The following MARCHF1 variants were observed in gnomAD, a reference collection of about 807,000 sequenced individuals.
MARCHF1 encodes the protein membrane associated ring-CH-type finger 1, also known as E3 ubiquitin-protein ligase MARCHF1.
Under a neutral mutation model 54.2 loss-of-function variants are expected in MARCHF1, and 40 were observed. The ratio of observed to expected loss-of-function variants is 0.74; its 90% CI spans 0.57 to 0.96. The LOEUF (loss-of-function observed/expected upper bound fraction) is 0.96, where lower values mean the gene tolerates loss of function less well. MARCHF1 is among the 40% of genes least tolerant of loss of function. MARCHF1 has a pLI of 0.00. For missense variants in MARCHF1, 586 were observed against 656.5 expected (o/e 0.89, Z 1.17); for synonymous variants, 236 against 236.3 (o/e 1.00, Z 0.01).
At position 164,048,800 on chromosome 4, in the gene MARCHF1, C is replaced by T. The variant is rs575569119; in HGVS notation, c.-247-60091G>A. ...TAATTGGCAGAGTAAATTTTTTCAT[C>T]TTCTTTTACTCAATAATCTCATTAT... On this transcript the variant is annotated intron_variant, in intron 2 of 9. Coordinates refer to ENST00000514618, the MANE Select transcript of MARCHF1 (RefSeq NM_001394959.1). 9.7e-4 allele frequency among the ~76,000 whole-genome samples: 148 copies of T among 152,196 alleles called. 2 individuals are homozygous for T. Among genetic ancestry groups the T allele is most frequent in the African/African-American group, 3.2e-3 (134 of 41,550 alleles).
At chr4:163,991,423 T>C (rs903645084) in intron 2 of MARCHF1, among the ~76,000 whole-genome samples, 1 of 152,180 alleles carries the variant, frequency 6.6e-6, no homozygotes, top group African/African-American at 2.4e-5. Context: ...CTAATACCTT[T>C]CCTCAAGCAG....
chr4:164,278,797 T>C (rs377544803), intron 1 of MARCHF1, among the ~76,000 whole-genome samples: 5 of 152,346 alleles, frequency 3.3e-5, no homozygotes, highest in East Asian at 1.9e-4. Flanking sequence ...TAAAACCGTT[T>C]TTGGTTTACA....
At position 163,612,783 on chromosome 4, in the gene MARCHF1, A is replaced by T; in HGVS notation, c.498T>A (p.Asp166Glu). Residue 166 changes from aspartate to glutamate, a missense_variant, in exon 7 of 10, where the codon GAT (aspartate) becomes GAA (glutamate). Asp to Glu is a conservative substitution (Grantham distance 45). Coordinates refer to ENST00000514618, the MANE Select transcript of MARCHF1 (RefSeq NM_001394959.1). ...TTTTTGCCTGAATCCAATGACTCTCATCTGTGGAAGATGAATCTGAAGAAT... is the reference window on the plus strand; with the variant it reads ...TTTTTGCCTGAATCCAATGACTCTCTTCTGTGGAAGATGAATCTGAAGAAT... ...YTDSSDSSSTDESHWIQAKRR... is the reference protein window; with the variant it reads ...YTDSSDSSSTEESHWIQAKRR... 6.5e-7 allele frequency: 1 copy of T among 1,535,400 alleles called. No homozygotes were observed. The highest frequency in any genetic ancestry group is 8.7e-7 in the Non-Finnish European group (1 of 1,146,528).
intron 1 of MARCHF1, among the ~76,000 whole-genome samples, chr4:164,293,873 G>T (rs1734346949): frequency 6.6e-6 from 1 of 152,152 alleles, no homozygotes. Context: ...AGGATGCAAA[G>T]TTTCATTCCT....
intron 4 of MARCHF1, among the ~76,000 whole-genome samples, chr4:163,827,088 T>TA (rs5863632): frequency 0.057 from 8,618 of 150,438 alleles, 280 homozygotes; most frequent in East Asian, 0.097. Flanking sequence ...CTTTTTAAAA[T>TA]AAAAAAAAAG....
In MARCHF1 at chr4:163,585,757, G is replaced by C; in HGVS notation, c.1183C>G (p.Leu395Val). ...TCCTATGGATACTGTACCTTCCGGA[G>C]GGGTTTGAGCTTGGTCTCCATTATG... ...DFIMETKLKP[L>V]RKWEKLQMTT... is the part of the protein sequence containing the mutation. Residue 395 changes from leucine (L) to valine (V), a missense_variant, in exon 8 of 10, where the codon CTC becomes GTC. Leu to Val is a conservative substitution (Grantham distance 32, BLOSUM62 1). Transcript: ENST00000514618. The C allele has an allele frequency of 6.3e-7, 1 of 1,598,478 alleles. No homozygotes were observed. The highest frequency in any genetic ancestry group is 8.5e-7 in the Non-Finnish European group (1 of 1,171,098).
At chr4:164,232,036 T>C (rs1035008605) in intron 1 of MARCHF1, among the ~76,000 whole-genome samples, 2 of 152,170 alleles carry the variant, frequency 1.3e-5, no homozygotes, top group African/African-American at 4.8e-5. Context: ...ATTAAGCCAC[T>C]GTATTATTTC....
At chr4:163,984,251 A>C (rs1039108425) in intron 3 of MARCHF1, among the ~76,000 whole-genome samples, 9 of 152,198 alleles carry the variant, frequency 5.9e-5, no homozygotes, top group Non-Finnish European at 2.9e-5. Context: ...AAAAATGTAA[A>C]AACTGAGGTA....
intron 2 of MARCHF1, among the ~76,000 whole-genome samples, chr4:164,000,408 C>T (rs1057203132): frequency 6.6e-6 from 1 of 151,610 alleles, no homozygotes; most frequent in African/African-American, 2.4e-5. Flanking sequence ...AAAATTAATT[C>T]ACTACCCTCA....
chr4:164,066,543 T>C (rs756438865), intron 2 of MARCHF1, among the ~76,000 whole-genome samples: 1 of 152,094 alleles, frequency 6.6e-6, no homozygotes, highest in Non-Finnish European at 1.5e-5. Context: ...ATACAAATAA[T>C]TGTATTATAA....
chr4:163,528,532 C>CAT lies in MARCHF1; in HGVS notation c.*214_*215dup. The CAT allele has an allele frequency of 2.0e-6, 1 of 497,538 alleles. No homozygotes were observed. Among genetic ancestry groups the CAT allele is most frequent in the Non-Finnish European group, 3.5e-6 (1 of 282,222 alleles). The allele number at this position is 497,538 out of a possible 1,614,324, so 30.8% of individuals were successfully genotyped here. A position where few individuals can be genotyped will look rare whatever the true frequency, so the allele number is the denominator to read the frequency against. ...CATTCTCTTGCAAACTTCACATTTCCATATCATACTTTACTTTACGCTATT... is the reference window on the plus strand; with the variant it reads ...CATTCTCTTGCAAACTTCACATTTCCATATATCATACTTTACTTTACGCTATT... On this transcript the variant is annotated 3_prime_UTR_variant, in exon 10 of 10. Coordinates refer to ENST00000514618, the MANE Select transcript of MARCHF1 (RefSeq NM_001394959.1).
chr4:163,772,704 A>C (rs532382938), intron 4 of MARCHF1, among the ~76,000 whole-genome samples: 1 of 152,198 alleles, frequency 6.6e-6, no homozygotes, highest in African/African-American at 2.4e-5. Flanking sequence ...GCCACTAGCC[A>C]AAGAAAAGCC....
At chr4:164,031,683 A>G (rs1222445691) in intron 2 of MARCHF1, among the ~76,000 whole-genome samples, 1 of 152,090 alleles carries the variant, frequency 6.6e-6, no homozygotes, top group African/African-American at 2.4e-5. Context: ...GATGAAGCCA[A>G]CTTGATTGTG....
chr4:163,691,236 A>G (rs1744439921), intron 5 of MARCHF1, among the ~76,000 whole-genome samples: 1 of 152,160 alleles, frequency 6.6e-6, no homozygotes, highest in African/African-American at 2.4e-5. Flanking sequence ...TGTCATGATC[A>G]TATATTCACT....
At position 164,008,821 on chromosome 4, in the gene MARCHF1, T is replaced by C. The variant is rs569426330; in HGVS notation, c.-247-20112A>G. On this transcript the variant is annotated intron_variant, in intron 2 of 9. Transcript: ENST00000514618. The stretch of plus-strand genomic sequence containing the variant: ...ATATAACATACCAAAATATATGGGA[T>C]ATGGCAAAAACAGTAAGAAGAGAGA... Among the ~76,000 whole-genome samples the C allele has an allele frequency of 3.3e-5, 5 of 152,026 alleles. No homozygotes were observed. In the South Asian group the frequency reaches 1.0e-3, roughly 32 times the overall value.
intron 1 of MARCHF1, among the ~76,000 whole-genome samples, chr4:164,258,384 C>G (rs751819583): frequency 9.6e-6 from 1 of 104,612 alleles, no homozygotes; most frequent in Non-Finnish European, 1.8e-5. Context: ...TATCCCAGAA[C>G]TTAAAGTATA....
chr4:163,995,969 C>A (rs1753067453), intron 2 of MARCHF1, among the ~76,000 whole-genome samples: 1 of 151,966 alleles, frequency 6.6e-6, no homozygotes. Flanking sequence ...TTACTTTTTA[C>A]TACTGGGAAT....
At chr4:163,627,631 T>C (rs1259891555) in intron 5 of MARCHF1, among the ~76,000 whole-genome samples, 1 of 152,116 alleles carries the variant, frequency 6.6e-6, no homozygotes, top group Non-Finnish European at 1.5e-5. Context: ...GGGTTCTGAC[T>C]TGGAGATAAA....
intron 1 of MARCHF1, among the ~76,000 whole-genome samples, chr4:164,314,304 A>T (rs1734941918): frequency 6.6e-6 from 1 of 152,232 alleles, no homozygotes; most frequent in African/African-American, 2.4e-5. Flanking sequence ...AGAGAGCCAT[A>T]TAATGCTGCA....
Sources: gnomAD v4.1 joint callset for allele counts (sites outside exome capture counted in the v4.1 genomes callset) on GRCh38, gnomAD v4.1.1 for gene constraint, MANE v1.5 for transcripts, NCBI Gene and HGNC (gene_info 2026-07-23, HGNC 2026-07-21) for gene names.